The following SLC4A8 variants were observed in gnomAD, a reference collection of about 807,000 sequenced individuals.
SLC4A8 encodes electroneutral sodium bicarbonate exchanger 1.
A neutral mutation model predicts 125.0 loss-of-function variants in SLC4A8; 40 were observed. That is an observed-to-expected ratio of 0.32 (90% CI 0.25 to 0.42). SLC4A8 has a LOEUF of 0.42. Among genes scored for constraint, SLC4A8 ranks in the 10% least tolerant of loss-of-function variants. The probability of loss-of-function intolerance (pLI) is 1.00; values close to 1 mark genes in which losing one functional copy is unlikely to be tolerated. For synonymous variants in SLC4A8, 456 were observed against 476.0 expected (o/e 0.96, Z 0.55); for missense variants, 863 against 1,355.1 (o/e 0.64, Z 5.70).
chr12:51,497,313 G>C, intron 22 of SLC4A8, 189 bp downstream of exon 22: 2 of 614,868 alleles, frequency 3.3e-6, no homozygotes, highest in Non-Finnish European at 5.4e-6. Flanking sequence ...TAATTTTTGG[G>C]TTTGACAACC....
rs982266667 is a variant in SLC4A8, at chr12:51,462,090, G to A, written c.1102-220G>A. The A allele has an allele frequency of 9.4e-6, 5 of 530,446 alleles. No homozygotes were observed. In the Admixed American group the frequency reaches 1.7e-4, roughly 18 times the overall value. 32.9% of individuals were successfully genotyped at this position (530,446 alleles called of 1,614,324 possible). A position where few individuals can be genotyped will look rare whatever the true frequency, so the allele number is the denominator to read the frequency against. ...TCATGTCTTATCTCTTCTTATACTA[G>A]CAGACATGTATTTAGTTCTTTTAAT... On this transcript the variant is annotated intron_variant, in intron 9 of 24. Transcript: ENST00000453097.
At position 51,453,607 on chromosome 12, in the gene SLC4A8, T is replaced by G; in HGVS notation, c.482T>G (p.Leu161Arg). ...TGGAGCAAGCCTTATGTGGCAACCC[T>G]TTCATTGCACAGCCTGTTTGAGCTA... ...ERWSKPYVAT[L>R]SLHSLFELRS... The change falls in exon 5 of 25, where the codon CTT becomes CGT. Residue 161 changes from leucine to arginine, a missense_variant. This residue lies in a region of SLC4A8 where 390 missense variants were observed against 634.4 expected (regional missense o/e 0.61). Coordinates refer to ENST00000453097, the MANE Select transcript of SLC4A8 (RefSeq NM_001039960.3). The G allele has an allele frequency of 6.2e-7, 1 of 1,614,196 alleles. No individual in the cohort carries two copies. The highest frequency in any genetic ancestry group is 8.5e-7 in the Non-Finnish European group (1 of 1,180,002).
intron 2 of SLC4A8, among the ~76,000 whole-genome samples, chr12:51,443,845 C>T (rs962696441): frequency 1.3e-5 from 2 of 152,164 alleles, no homozygotes; most frequent in Non-Finnish European, 2.9e-5. Flanking sequence ...GCGTGTACTG[C>T]ATTGTACCTT....
intron 19 of SLC4A8, among the ~76,000 whole-genome samples, chr12:51,490,835 C>T (rs891988208): frequency 4.6e-5 from 7 of 152,060 alleles, no homozygotes. Context: ...AGGAGAGGGA[C>T]ATGATCCAGC....
upstream of SLC4A8, among the ~76,000 whole-genome samples, chr12:51,424,147 CT>C (rs1014836453): frequency 2.0e-5 from 3 of 150,476 alleles, no homozygotes; most frequent in African/African-American, 7.3e-5. Context: ...GCCAGCCTCT[CT>C]TTTCTTATAA....
intron 1 of SLC4A8, among the ~76,000 whole-genome samples, chr12:51,411,864 C>T (rs552585678): frequency 2.6e-5 from 4 of 152,052 alleles, no homozygotes; most frequent in Admixed American, 6.6e-5. Context: ...GCCGGAGGAT[C>T]GCTTGAGCCC....
At chr12:51,448,215 G>T (rs1949845840) in intron 2 of SLC4A8, among the ~76,000 whole-genome samples, 1 of 152,152 alleles carries the variant, frequency 6.6e-6, no homozygotes, top group African/African-American at 2.4e-5. Context: ...TTGTTTGCAG[G>T]GTTAATTTAA....
chr12:51,433,929 T>C (rs1949311035), intron 1 of SLC4A8, among the ~76,000 whole-genome samples: 1 of 149,440 alleles, frequency 6.7e-6, no homozygotes. Flanking sequence ...ATGCTGGAGT[T>C]CAGCGTACAA....
At chr12:51,467,952 A>G (rs1416000485) in intron 11 of SLC4A8, among the ~76,000 whole-genome samples, 1 of 152,156 alleles carries the variant, frequency 6.6e-6, no homozygotes, top group Non-Finnish European at 1.5e-5. Context: ...TTCTTATTAA[A>G]CTTTTTATGA....
chr12:51,455,220 C>T (rs1950103089), intron 5 of SLC4A8, among the ~76,000 whole-genome samples: 1 of 150,020 alleles, frequency 6.7e-6, no homozygotes, highest in African/African-American at 2.5e-5. Flanking sequence ...TACACAGACA[C>T]AGTAACAATC....
At position 51,452,260 on chromosome 12, in the gene SLC4A8, G is replaced by A; in HGVS notation, c.413+1G>A. 6.2e-7 allele frequency: 1 copy of A among 1,614,206 alleles called. No individual in the cohort carries two copies. The highest frequency in any genetic ancestry group is 1.1e-5 in the South Asian group (1 of 91,082). On this transcript the variant is annotated splice_donor_variant, in intron 4 of 24. Transcript: ENST00000453097. LOFTEE classifies it high-confidence loss of function. ...ATGCTGAGTGGAAGGAAACAGCCAG[G>A]TGAGGCCCTAAAATGGCCTGCATCA...
intron 12 of SLC4A8, among the ~76,000 whole-genome samples, chr12:51,470,157 G>A (rs1158122282): frequency 6.6e-6 from 1 of 152,182 alleles, no homozygotes; most frequent in Non-Finnish European, 1.5e-5. Context: ...TTGAGTCACT[G>A]AAGAATAGGA....
At chr12:51,461,799 C>T (rs931563370) in intron 9 of SLC4A8, 3 of 198,934 alleles carry the variant, frequency 1.5e-5, no homozygotes, top group African/African-American at 2.4e-5. Flanking sequence ...AAGGACTGCA[C>T]TGCTCGGTAA....
intron 8 of SLC4A8, among the ~76,000 whole-genome samples, chr12:51,460,646 T>C (rs757446282): frequency 6.6e-6 from 1 of 152,230 alleles, no homozygotes; most frequent in Non-Finnish European, 1.5e-5. Context: ...GGTATTTGTT[T>C]CCCTTTGCAC....
intron 21 of SLC4A8, among the ~76,000 whole-genome samples, chr12:51,495,334 C>G (rs1219816485): frequency 1.3e-5 from 2 of 152,120 alleles, no homozygotes; most frequent in Non-Finnish European, 2.9e-5. Context: ...TTTCCATTCT[C>G]CCATACCCTC....
intron 6 of SLC4A8, among the ~76,000 whole-genome samples, chr12:51,457,964 A>G (rs1950206986): frequency 6.6e-6 from 1 of 152,192 alleles, no homozygotes; most frequent in African/African-American, 2.4e-5. Flanking sequence ...CACAAAATGT[A>G]TGACTTTGGG....
chr12:51,414,521 C>G (rs1207894360), intron 1 of SLC4A8, among the ~76,000 whole-genome samples: 1 of 152,092 alleles, frequency 6.6e-6, no homozygotes, highest in Non-Finnish European at 1.5e-5. Flanking sequence ...GAAGCCTAGG[C>G]AGGAGGATCA....
intron 2 of SLC4A8, among the ~76,000 whole-genome samples, chr12:51,448,214 G>C (rs1949845636): frequency 6.6e-6 from 1 of 152,180 alleles, no homozygotes; most frequent in African/African-American, 2.4e-5. Flanking sequence ...TTTGTTTGCA[G>C]GGTTAATTTA....
rs1345990882 is a variant in SLC4A8 at position 51,488,683 on chromosome 12, A to G, written c.2287-16A>G. 5.0e-6 allele frequency: 8 copies of G among 1,605,096 alleles called. No individual in the cohort carries two copies. Among genetic ancestry groups the G allele is most frequent in the African/African-American group, 1.3e-5 (1 of 74,560 alleles). ...CTATAACTTAAAATACAAAAATAAT[A>G]TATTTTCCCCCTTAGCCAACAAGGG... On this transcript the variant is annotated splice_polypyrimidine_tract_variant and intron_variant, in intron 17 of 24. Transcript: ENST00000453097.
Sources: gnomAD v4.1 joint callset for allele counts (sites outside exome capture counted in the v4.1 genomes callset) on GRCh38, gnomAD v4.1.1 for gene constraint, gnomAD v4.1.1 regional missense constraint, MANE v1.5 for transcripts, NCBI Gene and HGNC (gene_info 2026-07-23, HGNC 2026-07-21) for gene names.